UNC5D: variants seen among roughly 807,000 people sequenced by gnomAD.
UNC5D encodes unc-5 netrin receptor D, also known as netrin receptor UNC5D.
UNC5D carries 39 observed loss-of-function variants against 105.4 expected under a neutral mutation model. The observed-to-expected ratio is 0.37, with a 90% CI of 0.29 to 0.48. The LOEUF is 0.48. UNC5D is among the 20% of genes least tolerant of loss of function. The pLI is 0.98. For missense variants in UNC5D, 991 were observed against 1,202.4 expected (o/e 0.82, Z 2.60); for synonymous variants, 452 against 450.4 (o/e 1.00, Z -0.04).
chr8:35,417,699 CTTAT>C (rs910850101), intron 1 of UNC5D, among the ~76,000 whole-genome samples: 4 of 152,018 alleles, frequency 2.6e-5, no homozygotes, highest in African/African-American at 9.7e-5. Flanking sequence ...TTTTCATTTG[CTTAT>C]TTATTATGAT....
At chr8:35,494,823 G>A (rs1326626352) in intron 1 of UNC5D, among the ~76,000 whole-genome samples, 1 of 152,080 alleles carries the variant, frequency 6.6e-6, no homozygotes, top group Non-Finnish European at 1.5e-5. Context: ...ATTCTATCGT[G>A]TGAAAAAGGA....
At position 35,235,902 on chromosome 8, in the gene UNC5D, G is replaced by A; in HGVS notation, c.103+15G>A. On this transcript the variant is annotated intron_variant, in intron 1 of 16. Transcript: ENST00000404895. ...GGCTGCCCGAGGTAAGCGCTGGGCG[G>A]AGCGGGCAGCTGGGGGCGAGGGCGC... The A allele has an allele frequency of 2.5e-6, 3 of 1,208,744 alleles. No individual in the cohort carries two copies. Among genetic ancestry groups the A allele is most frequent in the Non-Finnish European group, 2.0e-6 (2 of 979,216 alleles). The allele number at this position is 1,208,744 out of a possible 1,614,324, so 74.9% of individuals were successfully genotyped here. A position where few individuals can be genotyped will look rare whatever the true frequency, so the allele number is the denominator to read the frequency against.
chr8:35,325,710 CA>C (rs1180702638), intron 1 of UNC5D, among the ~76,000 whole-genome samples: 1 of 152,112 alleles, frequency 6.6e-6, no homozygotes, highest in Non-Finnish European at 1.5e-5. Flanking sequence ...AATTTGAAAT[CA>C]AAAGACTTCA....
chr8:35,236,555 C>T (rs1035189971), intron 1 of UNC5D, among the ~76,000 whole-genome samples: 2 of 152,202 alleles, frequency 1.3e-5, no homozygotes, highest in Non-Finnish European at 2.9e-5. Flanking sequence ...CCCTTCCCGG[C>T]GCCTACTCTG....
intron 1 of UNC5D, among the ~76,000 whole-genome samples, chr8:35,423,852 CTTT>C (rs200270722): frequency 5.2e-5 from 7 of 135,094 alleles, no homozygotes; most frequent in Admixed American, 7.5e-5. Flanking sequence ...ATAAGGAGTA[CTTT>C]TTTTTTTTTT....
intron 4 of UNC5D, among the ~76,000 whole-genome samples, chr8:35,677,549 A>G (rs530472063): frequency 6.6e-6 from 1 of 152,300 alleles, no homozygotes; most frequent in Non-Finnish European, 1.5e-5. Context: ...AGTTTCTCTA[A>G]GTGACAAAAG....
intron 4 of UNC5D, among the ~76,000 whole-genome samples, chr8:35,610,363 C>T (rs1225080998): frequency 1.9e-4 from 29 of 152,168 alleles, no homozygotes; most frequent in Admixed American, 1.9e-3. Context: ...CATCATCCCA[C>T]CCTTAGAATT....
At chr8:35,593,394 G>A (rs1421853945) in intron 3 of UNC5D, among the ~76,000 whole-genome samples, 1 of 152,062 alleles carries the variant, frequency 6.6e-6, no homozygotes, top group Non-Finnish European at 1.5e-5. Context: ...CCATTTAGCA[G>A]CACTGAACAA....
At chr8:35,342,888 C>T (rs191668822) in intron 1 of UNC5D, among the ~76,000 whole-genome samples, 38 of 152,256 alleles carry the variant, frequency 2.5e-4, no homozygotes, top group East Asian at 3.9e-4. Flanking sequence ...TATGACATTG[C>T]GTCTCTTAAC....
chr8:35,393,375 C>T (rs564775545), intron 1 of UNC5D, among the ~76,000 whole-genome samples: 19 of 152,010 alleles, frequency 1.2e-4, no homozygotes, highest in South Asian at 2.1e-4. Context: ...CCTCGTGATC[C>T]GCCCGCCTCG....
chr8:35,265,136 T>C (rs1047661425), intron 1 of UNC5D, among the ~76,000 whole-genome samples: 29 of 152,174 alleles, frequency 1.9e-4, no homozygotes, highest in African/African-American at 6.8e-4. Context: ...ACAAATCACT[T>C]TAAAGTGACC....
chr8:35,487,054 T>A (rs1810866810), intron 1 of UNC5D, among the ~76,000 whole-genome samples: 1 of 152,130 alleles, frequency 6.6e-6, no homozygotes, highest in East Asian at 1.9e-4. Flanking sequence ...TAGATAATTT[T>A]TACTGAGCTC....
At chr8:35,356,934 T>C (rs1801589020) in intron 1 of UNC5D, among the ~76,000 whole-genome samples, 1 of 152,120 alleles carries the variant, frequency 6.6e-6, no homozygotes, top group Non-Finnish European at 1.5e-5. Context: ...GATTTTACCA[T>C]CTACCCAGAG....
chr8:35,431,215 T>G (rs1011439575), intron 1 of UNC5D, among the ~76,000 whole-genome samples: 1 of 152,156 alleles, frequency 6.6e-6, no homozygotes, highest in Non-Finnish European at 1.5e-5. Flanking sequence ...AGACCATAAG[T>G]GTAAAAAGGG....
intron 16 of UNC5D, among the ~76,000 whole-genome samples, chr8:35,787,400 T>C (rs1802795497): frequency 1.3e-5 from 2 of 152,200 alleles, no homozygotes; most frequent in Admixed American, 1.3e-4. Flanking sequence ...GTCATCATTC[T>C]CATGATGGAC....
intron 4 of UNC5D, among the ~76,000 whole-genome samples, chr8:35,618,258 T>C (rs1821154701): frequency 6.6e-6 from 1 of 152,198 alleles, no homozygotes; most frequent in South Asian, 2.1e-4. Flanking sequence ...TAGGTACCAG[T>C]GGAGATGCCG....
chr8:35,782,648 C>T (rs989611003), intron 16 of UNC5D, among the ~76,000 whole-genome samples: 3 of 151,838 alleles, frequency 2.0e-5, no homozygotes, highest in African/African-American at 4.8e-5. Context: ...GGATTACAGG[C>T]GCCTGCCACC....
intron 1 of UNC5D, among the ~76,000 whole-genome samples, chr8:35,482,500 C>T (rs1810544793): frequency 6.6e-6 from 1 of 152,150 alleles, no homozygotes; most frequent in African/African-American, 2.4e-5. Context: ...GTCACTTTGC[C>T]ACACTTTCTA....
intron 1 of UNC5D, among the ~76,000 whole-genome samples, chr8:35,298,239 T>G (rs1287802997): frequency 1.3e-5 from 2 of 152,188 alleles, no homozygotes; most frequent in Admixed American, 6.5e-5. Context: ...TTTCCAAGTT[T>G]AAGGGAAGTC....
Sources: gnomAD v4.1 joint callset for allele counts (sites outside exome capture counted in the v4.1 genomes callset) on GRCh38, gnomAD v4.1.1 for gene constraint, MANE v1.5 for transcripts, NCBI Gene and HGNC (gene_info 2026-07-23, HGNC 2026-07-21) for gene names.